HS3ST3A1: variants seen among roughly 807,000 people sequenced by gnomAD.
The protein encoded by HS3ST3A1 is heparan sulfate glucosamine 3-O-sulfotransferase 3A1.
A neutral mutation model predicts 25.7 loss-of-function variants in HS3ST3A1; 19 were observed. That is an observed-to-expected ratio of 0.74 (90% confidence interval 0.52 to 1.08). The LOEUF (loss-of-function observed/expected upper bound fraction) is 1.08. Ranked by LOEUF, HS3ST3A1 falls within the 50% of genes least tolerant of loss-of-function variation. The pLI is 0.00. For synonymous variants in HS3ST3A1, 226 were observed against 278.6 expected (o/e 0.81, Z 1.88); for missense variants, 459 against 594.3 (o/e 0.77, Z 2.37).
intron 1 of HS3ST3A1, chr17:13,543,607 G>A (rs9913045): frequency 0.43 from 71,667 of 165,562 alleles, 17,173 homozygotes; most frequent in African/African-American, 0.66. Flanking sequence ...GACAAAAACC[G>A]CGATTACTTT....
intron 1 of HS3ST3A1, among the ~76,000 whole-genome samples, chr17:13,582,298 T>C (rs7209746): frequency 0.58 from 87,827 of 152,086 alleles, 26,066 homozygotes; most frequent in Admixed American, 0.67. Context: ...GCATATTCTA[T>C]GCAATTCTGA....
chr17:13,585,870 G>GAC (rs1908250114), intron 1 of HS3ST3A1, among the ~76,000 whole-genome samples: 1 of 71,048 alleles, frequency 1.4e-5, no homozygotes, highest in African/African-American at 6.7e-5. Context: ...TTTTTTTTCT[G>GAC]ACAGAGTCTC....
chr17:13,594,319 C>A lies in HS3ST3A1; in HGVS notation c.599+6212G>T, dbSNP rs185325758. Among the ~76,000 whole-genome samples the A allele has an allele frequency of 3.5e-4, 53 of 152,286 alleles. 1 individual carries two copies. The East Asian group carries it at 7.2e-3, about 21-fold the overall frequency. ...TTTAACCTGACCACCACCCTGCATC[C>A]CAGCCTGCTCTCCCAGGCCCTGGAC... is the stretch of plus-strand genomic sequence containing the variant. On this transcript the variant is annotated intron_variant, in intron 1 of 1. Transcript: ENST00000284110.
At chr17:13,587,396 A>C (rs1361036446) in intron 1 of HS3ST3A1, among the ~76,000 whole-genome samples, 1 of 152,168 alleles carries the variant, frequency 6.6e-6, no homozygotes, top group Non-Finnish European at 1.5e-5. Context: ...AGAGGTTGCA[A>C]TGAGCTGATA....
At chr17:13,571,922 G>A (rs749905143) in intron 1 of HS3ST3A1, among the ~76,000 whole-genome samples, 24 of 152,038 alleles carry the variant, frequency 1.6e-4, no homozygotes, top group Non-Finnish European at 2.9e-5. Context: ...ACTGCATCTG[G>A]CTAATTTTTG....
intron 1 of HS3ST3A1, among the ~76,000 whole-genome samples, chr17:13,564,720 T>TTTC (rs34161457): frequency 4.1e-5 from 1 of 24,298 alleles, no homozygotes; most frequent in African/African-American, 1.7e-4. Flanking sequence ...ACTTCTTTCC[T>TTTC]TTTTTTTTTT....
At chr17:13,593,689 G>C (rs1195419581) in intron 1 of HS3ST3A1, among the ~76,000 whole-genome samples, 1 of 152,208 alleles carries the variant, frequency 6.6e-6, no homozygotes. Flanking sequence ...GGCTTCTCCT[G>C]CCTTCTTTGC....
At chr17:13,590,453 A>G (rs376004830) in intron 1 of HS3ST3A1, among the ~76,000 whole-genome samples, 2 of 152,354 alleles carry the variant, frequency 1.3e-5, no homozygotes, top group African/African-American at 4.8e-5. Flanking sequence ...ATTGCATTTA[A>G]GAATTATACC....
At chr17:13,587,656 A>C (rs965912832) in intron 1 of HS3ST3A1, among the ~76,000 whole-genome samples, 2 of 152,268 alleles carry the variant, frequency 1.3e-5, no homozygotes, top group East Asian at 3.9e-4. Flanking sequence ...GGAAAAAGAG[A>C]GAGCAGGGGA....
Position 13,532,259 on chromosome 17 carries a change from G to T in HS3ST3A1, c.600-35441C>A, listed in dbSNP as rs114568227. On this transcript the variant is annotated intron_variant, in intron 1 of 1. Coordinates refer to ENST00000284110, the MANE Select transcript of HS3ST3A1 (RefSeq NM_006042.3). ...CCTCCCAAGCACTGGCTGCACTTGT[G>T]TTCCTTTACCATTGCATTTGCAAAA... 4.4e-3 allele frequency among the ~76,000 whole-genome samples: 674 copies of T among 152,268 alleles called. 7 individuals carry two copies. The highest frequency in any genetic ancestry group is 0.017 in the Middle Eastern group (5 of 294).
In HS3ST3A1 at chr17:13,496,202, C is replaced by T; in HGVS notation, c.1216G>A (p.Gly406Arg). 6.3e-7 allele frequency: 1 copy of T among 1,599,680 alleles called. No individual in the cohort carries two copies. The highest frequency in any genetic ancestry group is 8.5e-7 in the Non-Finnish European group (1 of 1,172,570). The change falls in exon 2 of 2, where the codon GGA (glycine) becomes AGA (arginine). Residue 406 changes from glycine (G) to arginine (R), a missense_variant. Around this residue, in one of 3 missense-constraint regions of HS3ST3A1, gnomAD observed 46 missense variants for 59.0 expected, o/e 0.78. Coordinates refer to ENST00000284110, the MANE Select transcript of HS3ST3A1 (RefSeq NM_006042.3). ...QMTGHDFGWDG is the reference protein window; with the variant it reads ...QMTGHDFGWDR Reference sequence around the variant, plus strand: ...TTTCTTTTTAAATTATATGGTTATCCATCCCAGCCAAAGTCGTGCCCGGTC... The same window carrying T: ...TTTCTTTTTAAATTATATGGTTATCTATCCCAGCCAAAGTCGTGCCCGGTC...
intron 1 of HS3ST3A1, among the ~76,000 whole-genome samples, chr17:13,596,751 C>T (rs967634291): frequency 1.3e-5 from 2 of 152,044 alleles, no homozygotes; most frequent in African/African-American, 4.8e-5. Context: ...CTTCGTGGCT[C>T]GGATTTCATT....
At chr17:13,564,151 A>G (rs1200594865) in intron 1 of HS3ST3A1, among the ~76,000 whole-genome samples, 1 of 152,090 alleles carries the variant, frequency 6.6e-6, no homozygotes, top group Non-Finnish European at 1.5e-5. Flanking sequence ...TGTTAATGAT[A>G]TTTTTTCTGT....
chr17:13,547,566 G>A (rs1338272319), intron 1 of HS3ST3A1, among the ~76,000 whole-genome samples: 1 of 152,146 alleles, frequency 6.6e-6, no homozygotes, highest in Non-Finnish European at 1.5e-5. Flanking sequence ...TGCACCCAGA[G>A]AGGACATGGG....
intron 1 of HS3ST3A1, among the ~76,000 whole-genome samples, chr17:13,498,716 C>T (rs1325046607): frequency 6.6e-6 from 1 of 152,128 alleles, no homozygotes; most frequent in African/African-American, 2.4e-5. Context: ...CCCTTTTTGT[C>T]CAGTCATATT....
At position 13,593,852 on chromosome 17, in the gene HS3ST3A1, G is replaced by C. The variant is rs1030297031; in HGVS notation, c.599+6679C>G. 5.9e-5 allele frequency among the ~76,000 whole-genome samples: 9 copies of C among 152,234 alleles called. No homozygotes were observed. In the South Asian group the frequency reaches 1.9e-3, roughly 32 times the overall value. On this transcript the variant is annotated intron_variant, in intron 1 of 1. Transcript: ENST00000284110. Reference sequence around the variant, plus strand: ...GATCAAAACCAAGAAACTGACGTTGGTATAATGTTATTAACTAAACTGCAT... The same window carrying C: ...GATCAAAACCAAGAAACTGACGTTGCTATAATGTTATTAACTAAACTGCAT...
intron 1 of HS3ST3A1, among the ~76,000 whole-genome samples, chr17:13,561,925 C>A (rs1435746941): frequency 6.6e-6 from 1 of 152,012 alleles, no homozygotes; most frequent in South Asian, 2.1e-4. Flanking sequence ...CTGTGTGGTG[C>A]TGAAGGCGGC....
rs527418205 is a variant in HS3ST3A1, at chr17:13,496,083, T to C, written c.*114A>G. 5 of 1,263,618 alleles carry C rather than the reference T, an allele frequency of 4.0e-6. No homozygotes were observed. The highest frequency in any genetic ancestry group is 3.7e-5 in the South Asian group (2 of 53,880). The allele number at this position is 1,263,618 out of a possible 1,614,324, so 78.3% of individuals were successfully genotyped here. ...AGTGAGAACAATCTCTTAACATTCA[T>C]TGAAAAAAATACTGAAACATATTTT... On this transcript the variant is annotated 3_prime_UTR_variant, in exon 2 of 2. Coordinates refer to ENST00000284110, the MANE Select transcript of HS3ST3A1 (RefSeq NM_006042.3).
chr17:13,592,214 C>T (rs558386039), intron 1 of HS3ST3A1, among the ~76,000 whole-genome samples: 38 of 152,252 alleles, frequency 2.5e-4, no homozygotes, highest in Non-Finnish European at 4.6e-4. Context: ...CTACATAGTT[C>T]TATGATCTTG....
Sources: gnomAD v4.1 joint callset for allele counts (sites outside exome capture counted in the v4.1 genomes callset) on GRCh38, gnomAD v4.1.1 for gene constraint, gnomAD v4.1.1 regional missense constraint, MANE v1.5 for transcripts, NCBI Gene and HGNC (gene_info 2026-07-23, HGNC 2026-07-21) for gene names.